Variants in MAP2K4 observed in about 807,000 individuals in gnomAD.
The protein encoded by MAP2K4 is mitogen-activated protein kinase kinase 4, also known as dual specificity mitogen-activated protein kinase kinase 4.
A neutral mutation model predicts 48.5 loss-of-function variants in MAP2K4; 4 were observed. That is an observed-to-expected ratio of 0.08 (90% CI 0.04 to 0.19). The LOEUF (loss-of-function observed/expected upper bound fraction) is 0.19, where lower values mean the gene tolerates loss of function less well. Ranked by LOEUF, MAP2K4 falls within the 10% of genes least tolerant of loss-of-function variation. The pLI, the probability that MAP2K4 is intolerant of heterozygous loss-of-function variation, is 1.00. For missense variants in MAP2K4, 258 were observed against 493.3 expected, an observed-to-expected ratio of 0.52 and a Z score of 4.52; for synonymous variants, 166 against 173.1, an observed-to-expected ratio of 0.96 and a Z score of 0.32.
intron 7 of MAP2K4, among the ~76,000 whole-genome samples, chr17:12,121,729 C>T (rs965701650): frequency 1.3e-5 from 2 of 152,080 alleles, no homozygotes; most frequent in Non-Finnish European, 2.9e-5. Context: ...CTGATTGTTC[C>T]CTCATGATTA....
chr17:12,086,755 T>G (rs1460626565), intron 3 of MAP2K4, among the ~76,000 whole-genome samples: 2 of 152,232 alleles, frequency 1.3e-5, no homozygotes, highest in Non-Finnish European at 2.9e-5. Flanking sequence ...CTACCATCAC[T>G]TGGTTAAACT....
intron 3 of MAP2K4, among the ~76,000 whole-genome samples, chr17:12,087,425 G>A (rs1474546759): frequency 6.6e-6 from 1 of 152,088 alleles, no homozygotes; most frequent in East Asian, 1.9e-4. Flanking sequence ...GGAAGAAGAT[G>A]ATACCACTCT....
intron 1 of MAP2K4, among the ~76,000 whole-genome samples, chr17:12,027,583 A>G (rs537542700): frequency 1.3e-5 from 2 of 152,312 alleles, no homozygotes; most frequent in East Asian, 3.9e-4. Context: ...TATATATGTC[A>G]GATGTATATA....
chr17:12,131,549 C>G (rs983768585), intron 9 of MAP2K4, among the ~76,000 whole-genome samples: 1 of 152,002 alleles, frequency 6.6e-6, no homozygotes, highest in African/African-American at 2.4e-5. Flanking sequence ...CCGGCCCGCT[C>G]TAGCCACATT....
chr17:12,068,005 A>G (rs1366925010), intron 2 of MAP2K4, among the ~76,000 whole-genome samples: 2 of 152,200 alleles, frequency 1.3e-5, no homozygotes, highest in Non-Finnish European at 2.9e-5. Context: ...AGGCTTCTAA[A>G]CTTGAGTGAG....
At chr17:12,066,899 G>T (rs899940169) in intron 2 of MAP2K4, among the ~76,000 whole-genome samples, 7 of 152,090 alleles carry the variant, frequency 4.6e-5, no homozygotes, top group Non-Finnish European at 8.8e-5. Flanking sequence ...CCGTGGTCTC[G>T]ATCTCCTGAC....
chr17:12,116,631 T>G (rs1972503567), intron 7 of MAP2K4, among the ~76,000 whole-genome samples: 1 of 152,226 alleles, frequency 6.6e-6, no homozygotes, highest in Non-Finnish European at 1.5e-5. Context: ...CTTTTTAAAC[T>G]TTTTTGTTAA....
intron 6 of MAP2K4, among the ~76,000 whole-genome samples, chr17:12,112,196 G>T (rs1327420569): frequency 1.3e-5 from 2 of 152,180 alleles, no homozygotes; most frequent in Non-Finnish European, 1.5e-5. Flanking sequence ...GGGTGTGGTG[G>T]CTGACACCTG....
chr17:12,086,120 C>G (rs766174807), intron 3 of MAP2K4, among the ~76,000 whole-genome samples: 1 of 152,124 alleles, frequency 6.6e-6, no homozygotes, highest in African/African-American at 2.4e-5. Flanking sequence ...TATTCACTTC[C>G]AAAGGGCCGC....
chr17:12,070,993 C>G (rs11651238), intron 2 of MAP2K4, among the ~76,000 whole-genome samples: 2,077 of 152,290 alleles, frequency 0.014, 16 homozygotes, highest in East Asian at 0.047. Flanking sequence ...GAGGATCCCC[C>G]CTTTCTTTCA....
At chr17:12,045,555 A>T (rs1019080675) in intron 1 of MAP2K4, among the ~76,000 whole-genome samples, 2 of 152,248 alleles carry the variant, frequency 1.3e-5, no homozygotes, top group African/African-American at 4.8e-5. Context: ...TGCATATTCT[A>T]TTCCTTATTC....
intron 3 of MAP2K4, among the ~76,000 whole-genome samples, chr17:12,093,480 G>T (rs528417840): frequency 1.3e-5 from 2 of 152,232 alleles, no homozygotes; most frequent in East Asian, 1.9e-4. Flanking sequence ...GATGATAACT[G>T]TTGAGGTTTT....
At chr17:12,127,051 A>G (rs1427447671) in intron 8 of MAP2K4, among the ~76,000 whole-genome samples, 1 of 152,158 alleles carries the variant, frequency 6.6e-6, no homozygotes, top group South Asian at 2.1e-4. Context: ...TTGGTATTAC[A>G]TGTTTCTAGG....
In MAP2K4 at chr17:12,058,565, A is replaced by G. The variant is rs1209555608; in HGVS notation, c.218+3574A>G. ...TAAACCTTTTATTATGGAAAATTGC[A>G]TACCTACCCAAAAGTAAAGTGGTAG... On this transcript the variant is annotated intron_variant, in intron 2 of 10. Transcript: ENST00000353533. Among the ~76,000 whole-genome samples the G allele has an allele frequency of 2.0e-5, 3 of 152,190 alleles. No homozygotes were observed. The East Asian group carries it at 5.8e-4, about 29-fold the overall frequency.
intron 7 of MAP2K4, among the ~76,000 whole-genome samples, chr17:12,122,107 C>T (rs965293245): frequency 6.6e-6 from 1 of 152,158 alleles, no homozygotes; most frequent in Non-Finnish European, 1.5e-5. Flanking sequence ...AAAAAACTGC[C>T]TTTCCTTTTG....
intron 1 of MAP2K4, among the ~76,000 whole-genome samples, chr17:12,046,654 T>C (rs1358899390): frequency 6.6e-6 from 1 of 152,160 alleles, no homozygotes; most frequent in African/African-American, 2.4e-5. Context: ...GTGAAATAAC[T>C]GGAGATCAGA....
At chr17:12,035,925 T>A (rs1269504560) in intron 1 of MAP2K4, among the ~76,000 whole-genome samples, 1 of 152,224 alleles carries the variant, frequency 6.6e-6, no homozygotes, top group Admixed American at 6.5e-5. Context: ...CACTCTCTTT[T>A]AATCACTTTA....
At chr17:12,023,810 C>T (rs1286507339) in intron 1 of MAP2K4, among the ~76,000 whole-genome samples, 1 of 152,142 alleles carries the variant, frequency 6.6e-6, no homozygotes, top group African/African-American at 2.4e-5. Flanking sequence ...GGGCAATGAA[C>T]TTGGCCTTTC....
intron 9 of MAP2K4, among the ~76,000 whole-genome samples, chr17:12,133,980 A>G (rs1223851740): frequency 1.3e-5 from 2 of 152,234 alleles, no homozygotes; most frequent in African/African-American, 4.8e-5. Flanking sequence ...TAGCAGCAAG[A>G]CCTGTAAAGA....
Sources: gnomAD v4.1 joint callset for allele counts (sites outside exome capture counted in the v4.1 genomes callset) on GRCh38, gnomAD v4.1.1 for gene constraint, MANE v1.5 for transcripts, NCBI Gene and HGNC (gene_info 2026-07-23, HGNC 2026-07-21) for gene names.